GALK2: variants seen among roughly 807,000 people sequenced by gnomAD.
The protein encoded by GALK2 is galactokinase 2.
A neutral mutation model predicts 52.4 loss-of-function variants in GALK2; 36 were observed. That is an observed-to-expected ratio of 0.69 (90% CI 0.53 to 0.91). GALK2 has a LOEUF of 0.91. Ranked by LOEUF, GALK2 falls within the 40% of genes least tolerant of loss-of-function variation. The probability of loss-of-function intolerance (pLI) is 0.00; values close to 1 mark genes in which losing one functional copy is unlikely to be tolerated. For synonymous variants in GALK2, 176 were observed against 199.1 expected, an observed-to-expected ratio of 0.88 and a Z score of 0.98; for missense variants, 579 against 559.1, an observed-to-expected ratio of 1.04 and a Z score of -0.36.
intron 7 of GALK2, among the ~76,000 whole-genome samples, chr15:49,285,329 T>G (rs886176739): frequency 5.9e-5 from 9 of 152,198 alleles, no homozygotes; most frequent in African/African-American, 2.2e-4. Context: ...ATATTTTTGT[T>G]GCTATTTCTT....
At chr15:49,188,375 C>T (rs2086505501) in intron 1 of GALK2, among the ~76,000 whole-genome samples, 1 of 152,178 alleles carries the variant, frequency 6.6e-6, no homozygotes, top group Non-Finnish European at 1.5e-5. Context: ...TGGCTGATTT[C>T]TGCACTGTGT....
rs2038583165 is a variant in GALK2 at position 49,330,859 on chromosome 15, C to G, written c.*2700C>G. Reference sequence around the variant, plus strand: ...GTCCCAGCTACTCAGGAGGCTGAGGCAGGAGGATCACTTGAGCTGAGGACT... The same window carrying G: ...GTCCCAGCTACTCAGGAGGCTGAGGGAGGAGGATCACTTGAGCTGAGGACT... On this transcript the variant is annotated 3_prime_UTR_variant, in exon 10 of 10. Coordinates refer to ENST00000560031, the MANE Select transcript of GALK2 (RefSeq NM_002044.4). 6.6e-6 allele frequency: 1 copy of G among 152,096 alleles called. No homozygotes were observed. Among genetic ancestry groups the G allele is most frequent in the Non-Finnish European group, 1.5e-5 (1 of 68,062 alleles). The allele number at this position is 152,096 out of a possible 1,614,324, so 9.4% of individuals were successfully genotyped here. A position where few individuals can be genotyped will look rare whatever the true frequency, so the allele number is the denominator to read the frequency against.
chr15:49,244,955 GAT>G (rs201300047), intron 5 of GALK2, among the ~76,000 whole-genome samples: 4,050 of 152,120 alleles, frequency 0.027, 123 homozygotes, highest in Non-Finnish European at 0.033. Flanking sequence ...AGCTCAGCTA[GAT>G]ATACAAATCT....
intron 3 of GALK2, among the ~76,000 whole-genome samples, chr15:49,230,042 A>T (rs778755735): frequency 4.6e-4 from 70 of 152,266 alleles, no homozygotes; most frequent in Middle Eastern, 3.4e-3. Flanking sequence ...CCAGTGGCTT[A>T]CATTTTGGCT....
intron 7 of GALK2, among the ~76,000 whole-genome samples, chr15:49,284,699 T>C (rs1035347287): frequency 6.6e-6 from 1 of 152,220 alleles, no homozygotes; most frequent in Non-Finnish European, 1.5e-5. Flanking sequence ...TTCTCTCAAA[T>C]ACCCATTACT....
intron 5 of GALK2, among the ~76,000 whole-genome samples, chr15:49,265,330 G>A (rs2092318834): frequency 6.6e-6 from 1 of 152,216 alleles, no homozygotes. Flanking sequence ...TTATACTGCT[G>A]TGCTAGCAAT....
intron 6 of GALK2, 53 bp from the exon 7 acceptor site, chr15:49,283,513 C>T: frequency 6.9e-7 from 1 of 1,446,680 alleles, no homozygotes; most frequent in Non-Finnish European, 9.6e-7. Context: ...AACACTTGAA[C>T]ATTTTCTGCA....
chr15:49,313,734 T>A (rs2036181477), intron 8 of GALK2, among the ~76,000 whole-genome samples: 1 of 152,188 alleles, frequency 6.6e-6, no homozygotes, highest in Admixed American at 6.5e-5. Context: ...AACTGTTGGT[T>A]AACTTTTGCT....
rs12910584 is a variant in GALK2 at position 49,330,072 on chromosome 15, C to T, written c.*1913C>T. The T allele has an allele frequency of 0.041, 6,171 of 152,222 alleles. 226 individuals are homozygous for T. The highest frequency in any genetic ancestry group is 0.17 in the East Asian group (877 of 5,184). The allele number at this position is 152,222 out of a possible 1,614,324, so 9.4% of individuals were successfully genotyped here. On this transcript the variant is annotated 3_prime_UTR_variant, in exon 10 of 10. Transcript: ENST00000560031. ...TAAACTTACCTGGAAGGGATAGGGC[C>T]GGGGCCATTAGAAAAAAGATCATGC... is the stretch of plus-strand genomic sequence containing the variant.
chr15:49,348,436 C>T (rs191889122), intron 3 of GALK2, among the ~76,000 whole-genome samples: 12 of 152,212 alleles, frequency 7.9e-5, no homozygotes, highest in African/African-American at 2.6e-4. Context: ...ACTAAAAAAA[C>T]AGAAAACAGA....
intron 5 of GALK2, among the ~76,000 whole-genome samples, chr15:49,246,622 A>ATTT (rs2091363602): frequency 6.6e-6 from 1 of 152,190 alleles, no homozygotes; most frequent in South Asian, 2.1e-4. Context: ...TTTTGTCAAA[A>ATTT]ACACAATTTA....
At chr15:49,210,372 AGGTT>A (rs2141349038) in intron 2 of GALK2, among the ~76,000 whole-genome samples, 1 of 151,708 alleles carries the variant, frequency 6.6e-6, no homozygotes, top group East Asian at 1.9e-4. Context: ...ATGTACCATT[AGGTT>A]GTTTATATGC....
chr15:49,183,831 GAAACTTTGTCTCAGAAA>G (rs1454168104), intron 1 of GALK2, among the ~76,000 whole-genome samples: 1 of 136,908 alleles, frequency 7.3e-6, no homozygotes, highest in Non-Finnish European at 1.6e-5. Flanking sequence ...CAACAAGAAT[GAAACTTTGTCTCAGAAA>G]AAAAAAAAAA....
intron 4 of GALK2, among the ~76,000 whole-genome samples, chr15:49,237,101 T>G (rs1005573150): frequency 1.3e-5 from 2 of 152,222 alleles, no homozygotes; most frequent in African/African-American, 2.4e-5. Flanking sequence ...ATTTTAATCT[T>G]CCTTGTAACA....
chr15:49,328,945 C>T lies in GALK2; in HGVS notation c.*786C>T. The T allele has an allele frequency of 8.9e-7, 1 of 1,121,826 alleles. No individual in the cohort carries two copies. Among genetic ancestry groups the T allele is most frequent in the Non-Finnish European group, 1.1e-6 (1 of 911,312 alleles). 69.5% of individuals were successfully genotyped at this position (1,121,826 alleles called of 1,614,324 possible). On this transcript the variant is annotated 3_prime_UTR_variant, in exon 10 of 10. Transcript: ENST00000560031. ...AAAAACACTTTAAGACTCTTCTATT[C>T]ACATTGAAATAAAGAATTATCTAGA...
intron 2 of GALK2, among the ~76,000 whole-genome samples, chr15:49,215,631 T>C (rs2089306235): frequency 6.6e-6 from 1 of 152,256 alleles, no homozygotes; most frequent in South Asian, 2.1e-4. Flanking sequence ...ATAATGAATT[T>C]CTTCCCTGTG....
chr15:49,310,456 C>T lies in GALK2; in HGVS notation c.968-9148C>T, dbSNP rs1199131880. Among the ~76,000 whole-genome samples the T allele has an allele frequency of 2.0e-5, 3 of 152,088 alleles. No homozygotes were observed. The East Asian group carries it at 5.8e-4, about 29-fold the overall frequency. On this transcript the variant is annotated intron_variant, in intron 8 of 9. Transcript: ENST00000560031. ...TTCTATTTTTAGTTTTTTTAGAAAC[C>T]TCTATACTGTTTTCCATAATGGCTG...
intron 1 of GALK2, among the ~76,000 whole-genome samples, chr15:49,187,094 A>C (rs937757955): frequency 2.6e-5 from 4 of 152,150 alleles, no homozygotes; most frequent in African/African-American, 9.7e-5. Context: ...AGGTATTTGA[A>C]GGGAATTGAG....
intron 3 of GALK2, among the ~76,000 whole-genome samples, chr15:49,221,131 G>C (rs1247183568): frequency 1.3e-5 from 2 of 151,946 alleles, no homozygotes; most frequent in Non-Finnish European, 2.9e-5. Flanking sequence ...CTGTACTTTT[G>C]AGATCTTAGT....
Sources: gnomAD v4.1 joint callset for allele counts (sites outside exome capture counted in the v4.1 genomes callset) on GRCh38, gnomAD v4.1.1 for gene constraint, MANE v1.5 for transcripts, NCBI Gene and HGNC (gene_info 2026-07-23, HGNC 2026-07-21) for gene names.